The following CPB2 variants were observed in gnomAD, a reference collection of about 807,000 sequenced individuals.
The protein encoded by CPB2 is carboxypeptidase B-like protein.
In CPB2, 54 loss-of-function variants were observed where a neutral mutation model predicts 57.0. The observed-to-expected ratio is 0.95, with a 90% CI of 0.76 to 1.19. The LOEUF is 1.19. Among genes scored for constraint, CPB2 ranks in the 50% most tolerant of loss-of-function variants. CPB2 has a pLI of 0.00. For missense variants in CPB2, 426 were observed against 512.0 expected (o/e 0.83, Z 1.62); for synonymous variants, 189 against 178.1 (o/e 1.06, Z -0.49).
In CPB2 at chr13:46,082,456, A is replaced by ATAC. The variant is rs763119461; in HGVS notation, c.366_368dup (p.Gln122_Tyr123insTer). 6 of 1,608,376 alleles carry ATAC rather than the reference A, an allele frequency of 3.7e-6. No homozygotes were observed. The South Asian group carries it at 6.6e-5, about 18-fold the overall frequency. ...GATGGCTTACTTCATTTAGTGAGTG[A>ATAC]TACTGTTCATAGTACGATGCGGAGG... On this transcript the variant is annotated stop_gained, in exon 4 of 11. Coordinates refer to ENST00000181383, the MANE Select transcript of CPB2 (RefSeq NM_001872.5). LOFTEE classifies it high-confidence loss of function.
At chr13:46,068,663 G>C in intron 6 of CPB2, among the ~76,000 whole-genome samples, 1 of 152,026 alleles carries the variant, frequency 6.6e-6, no homozygotes, top group Non-Finnish European at 1.5e-5. Context: ...ATCTACATTA[G>C]GTATTTCTCC....
At chr13:46,070,920 A>T (rs574299505) in intron 6 of CPB2, among the ~76,000 whole-genome samples, 1 of 152,336 alleles carries the variant, frequency 6.6e-6, no homozygotes, top group Admixed American at 6.5e-5. Context: ...GATATTGAGC[A>T]CCAATTATGT....
At chr13:46,082,596 A>AT in intron 3 of CPB2, 47 bp from the exon 4 acceptor site, 1 of 1,239,120 alleles carries the variant, frequency 8.1e-7, no homozygotes, top group Non-Finnish European at 1.2e-6. Flanking sequence ...CAGAGGGTGG[A>AT]TCTTCCCACA....
At chr13:46,082,909 A>G (rs2045141646) in intron 3 of CPB2, among the ~76,000 whole-genome samples, 1 of 151,708 alleles carries the variant, frequency 6.6e-6, no homozygotes, top group African/African-American at 2.4e-5. Context: ...ACACTGTATT[A>G]TGCTGTTTTC....
intron 4 of CPB2, among the ~76,000 whole-genome samples, chr13:46,079,282 C>G (rs2045070648): frequency 1.3e-5 from 2 of 152,038 alleles, no homozygotes; most frequent in Non-Finnish European, 2.9e-5. Context: ...TAAAAATGCA[C>G]TTTTCAAGAT....
chr13:46,092,832 T>C (rs564053375), intron 1 of CPB2, among the ~76,000 whole-genome samples: 3 of 152,336 alleles, frequency 2.0e-5, no homozygotes, highest in Admixed American at 6.5e-5. Flanking sequence ...CTTTATCTTG[T>C]AGGCAATTAG....
At chr13:46,068,327 AT>A (rs1007624291) in intron 6 of CPB2, among the ~76,000 whole-genome samples, 2 of 152,124 alleles carry the variant, frequency 1.3e-5, no homozygotes. Flanking sequence ...AAACTTTACT[AT>A]TTTCCCTTTA....
rs1361361073 is a variant in CPB2, at chr13:46,058,240, G to A, written c.938C>T (p.Ser313Phe). ...IKAYISMHSY[S>F]QHIVFPYSYT... is the part of the protein sequence containing the mutation. The stretch of plus-strand genomic sequence containing the variant: ...GGAATATGGAAACACTATATGCTGG[G>A]AGTATGAATGCATGCTGATGTATGC... The change falls in exon 9 of 11, where the codon TCC becomes TTC. Residue 313 changes from serine to phenylalanine, a missense_variant. Physicochemically the swap from Ser to Phe is radical, Grantham distance 155 (BLOSUM62 -2). Transcript: ENST00000181383. 2.5e-6 allele frequency: 4 copies of A among 1,614,022 alleles called. No individual in the cohort carries two copies. The highest frequency in any genetic ancestry group is 1.7e-6 in the Non-Finnish European group (2 of 1,179,916).
intron 1 of CPB2, chr13:46,100,748 C>T (rs1431592652): frequency 6.6e-6 from 1 of 152,054 alleles, no homozygotes; most frequent in Admixed American, 6.6e-5. Flanking sequence ...AGATGCCATC[C>T]AATAGGGCCA....
At chr13:46,067,189 TA>T (rs34583549) in intron 7 of CPB2, 117 bp downstream of exon 7, 169,504 of 513,352 alleles carry the variant, frequency 0.33, 28,675 homozygotes, top group African/African-American at 0.39. Flanking sequence ...CAATAAAAGT[TA>T]AAAAAAATTA....
At chr13:46,102,980 G>A (rs1286936291) in intron 1 of CPB2, among the ~76,000 whole-genome samples, 1 of 152,038 alleles carries the variant, frequency 6.6e-6, no homozygotes, top group African/African-American at 2.4e-5. Context: ...AGATTTCAGA[G>A]TATAAGCTGA....
At chr13:46,085,604 C>T (rs1430528537) in intron 2 of CPB2, among the ~76,000 whole-genome samples, 1 of 152,200 alleles carries the variant, frequency 6.6e-6, no homozygotes, top group Non-Finnish European at 1.5e-5. Flanking sequence ...ATTCCCCTTT[C>T]TGCAGAGGTG....
chr13:46,090,114 A>G (rs2045269546), intron 1 of CPB2, among the ~76,000 whole-genome samples: 2 of 151,770 alleles, frequency 1.3e-5, no homozygotes, highest in Admixed American at 1.3e-4. Context: ...ACATCCTAAT[A>G]TCTTAGAGAA....
intron 1 of CPB2, among the ~76,000 whole-genome samples, chr13:46,093,188 C>T (rs1010434207): frequency 6.6e-6 from 1 of 152,192 alleles, no homozygotes; most frequent in African/African-American, 2.4e-5. Context: ...GCTGGGATTA[C>T]AGGCGTGAGC....
chr13:46,069,542 T>C (rs2044906964), intron 6 of CPB2, among the ~76,000 whole-genome samples: 1 of 152,204 alleles, frequency 6.6e-6, no homozygotes, highest in African/African-American at 2.4e-5. Context: ...TAATGAACTT[T>C]CTGTCTCTGT....
At chr13:46,064,582 G>T in intron 8 of CPB2, 66 bp downstream of exon 8, 1 of 1,261,050 alleles carries the variant, frequency 7.9e-7, no homozygotes, top group Non-Finnish European at 1.2e-6. Flanking sequence ...GAATTCATGG[G>T]CCTTTCCCTG....
intron 6 of CPB2, among the ~76,000 whole-genome samples, chr13:46,068,862 G>A (rs2044896089): frequency 1.3e-5 from 2 of 152,170 alleles, no homozygotes; most frequent in African/African-American, 4.8e-5. Flanking sequence ...TTAAATAGTC[G>A]AGCAACCAGT....
chr13:46,103,546 G>A (rs558821033), intron 1 of CPB2, among the ~76,000 whole-genome samples: 2 of 152,310 alleles, frequency 1.3e-5, no homozygotes, highest in Admixed American at 1.3e-4. Context: ...TATTCTTCCT[G>A]AGGCTCAGTT....
At chr13:46,086,247 G>A (rs1358665213) in intron 2 of CPB2, among the ~76,000 whole-genome samples, 2 of 152,152 alleles carry the variant, frequency 1.3e-5, no homozygotes, top group East Asian at 1.9e-4. Flanking sequence ...AGCAAGGGGC[G>A]TGTTTCAGCT....
Sources: allele counts gnomAD v4.1 joint callset (sites outside exome capture counted in the v4.1 genomes callset), GRCh38; gene constraint gnomAD v4.1.1; transcripts MANE v1.5; gene names NCBI Gene and HGNC (gene_info 2026-07-23, HGNC 2026-07-21).